The following NR6A1 variants were observed in gnomAD, a reference collection of about 807,000 sequenced individuals.
The protein encoded by NR6A1 is retinoic acid receptor-related testis-associated receptor.
NR6A1 carries 7 observed loss-of-function variants against 59.1 expected under a neutral mutation model. That is an observed-to-expected ratio of 0.12 (90% CI 0.07 to 0.22). The LOEUF (loss-of-function observed/expected upper bound fraction) is 0.22, where lower values mean the gene tolerates loss of function less well. Ranked by LOEUF, NR6A1 falls within the 10% of genes least tolerant of loss-of-function variation. The pLI is 1.00. For synonymous variants in NR6A1, 243 were observed against 236.1 expected, an observed-to-expected ratio of 1.03 and a Z score of -0.27; for missense variants, 468 against 611.6, an observed-to-expected ratio of 0.77 and a Z score of 2.48.
chr9:124,671,560 A>G (rs1172645896), intron 2 of NR6A1, among the ~76,000 whole-genome samples: 1 of 152,234 alleles, frequency 6.6e-6, no homozygotes, highest in Non-Finnish European at 1.5e-5. Context: ...TTATAGAATA[A>G]AAAGTGGAAC....
intron 2 of NR6A1, among the ~76,000 whole-genome samples, chr9:124,615,622 G>T (rs1588711237): frequency 2.0e-5 from 3 of 148,870 alleles, no homozygotes; most frequent in Admixed American, 6.7e-5. Context: ...AAGGGTTTTT[G>T]CCTTTTTTTT....
intron 1 of NR6A1, among the ~76,000 whole-genome samples, chr9:124,745,331 T>C (rs1313177731): frequency 6.6e-6 from 1 of 152,150 alleles, no homozygotes; most frequent in Non-Finnish European, 1.5e-5. Flanking sequence ...TCCTCCATTC[T>C]ACTTTTCTGA....
At chr9:124,713,872 C>A (rs553855477) in intron 2 of NR6A1, among the ~76,000 whole-genome samples, 67 of 152,312 alleles carry the variant, frequency 4.4e-4, no homozygotes, top group Admixed American at 3.3e-3. Flanking sequence ...TAGGGTCCAG[C>A]AATTCCACTT....
intron 2 of NR6A1, among the ~76,000 whole-genome samples, chr9:124,562,958 A>G (rs1439809111): frequency 6.6e-6 from 1 of 152,230 alleles, no homozygotes; most frequent in Non-Finnish European, 1.5e-5. Flanking sequence ...AAAGGAATCT[A>G]GTCATCGATC....
At chr9:124,694,388 C>A (rs571365004) in intron 2 of NR6A1, among the ~76,000 whole-genome samples, 108 of 152,204 alleles carry the variant, frequency 7.1e-4, no homozygotes, top group African/African-American at 2.3e-3. Flanking sequence ...CCACAACAGT[C>A]TTTTATGTAC....
chr9:124,535,173 A>G (rs1833218298), intron 7 of NR6A1, among the ~76,000 whole-genome samples: 1 of 151,560 alleles, frequency 6.6e-6, no homozygotes, highest in Admixed American at 6.6e-5. Flanking sequence ...CACCAAAATG[A>G]CCCCTAGGTC....
intron 2 of NR6A1, among the ~76,000 whole-genome samples, chr9:124,619,511 C>T (rs186268169): frequency 5.9e-5 from 9 of 152,294 alleles, no homozygotes; most frequent in African/African-American, 1.9e-4. Flanking sequence ...AATCTGCCTG[C>T]CTTGGCCTCC....
At chr9:124,719,242 A>G (rs1454025556) in intron 2 of NR6A1, among the ~76,000 whole-genome samples, 1 of 151,672 alleles carries the variant, frequency 6.6e-6, no homozygotes, top group Non-Finnish European at 1.5e-5. Context: ...ATGTGCCGCC[A>G]CACCCAGCTA....
intron 1 of NR6A1, among the ~76,000 whole-genome samples, chr9:124,749,439 A>C (rs1840432934): frequency 6.6e-6 from 1 of 152,136 alleles, no homozygotes. Context: ...CTAAGTCATC[A>C]CCCAGTGCTA....
chr9:124,625,634 T>C (rs1475972488), intron 2 of NR6A1, among the ~76,000 whole-genome samples: 3 of 152,152 alleles, frequency 2.0e-5, no homozygotes, highest in East Asian at 3.9e-4. Context: ...AATTCTAGAG[T>C]GTGATAGTTA....
chr9:124,540,856 G>A (rs1833420585), intron 4 of NR6A1, among the ~76,000 whole-genome samples: 1 of 152,052 alleles, frequency 6.6e-6, no homozygotes, highest in African/African-American at 2.4e-5. Context: ...TCCTTTGTGA[G>A]GCTTTCTACC....
At chr9:124,634,826 AAGAGAG>A (rs373861950) in intron 2 of NR6A1, among the ~76,000 whole-genome samples, 2 of 151,464 alleles carry the variant, frequency 1.3e-5, no homozygotes, top group Admixed American at 1.3e-4. Flanking sequence ...TCTCAAAAAA[AAGAGAG>A]AGAGAGAGAG....
chr9:124,692,315 T>G, intron 2 of NR6A1: 1 of 283,642 alleles, frequency 3.5e-6, no homozygotes, highest in Non-Finnish European at 7.9e-6. Context: ...TCATTAGTTC[T>G]CTGCTGCACA....
chr9:124,598,662 A>AC (rs1835351649), intron 2 of NR6A1: 10 of 395,318 alleles, frequency 2.5e-5, no homozygotes, highest in East Asian at 1.4e-4. Context: ...AAAAAAAAAA[A>AC]AAAAAAACAA....
In NR6A1 at chr9:124,740,388, C is replaced by G. The variant is rs931097229; in HGVS notation, c.101-7039G>C. ...CAAACACATCTGCAAATTTGAAATT[C>G]AAATGTTTTAATTAAATATGAGATA... On this transcript the variant is annotated intron_variant, in intron 1 of 9. Transcript: ENST00000487099. 5.9e-5 allele frequency among the ~76,000 whole-genome samples: 9 copies of G among 152,132 alleles called. 1 individual carries two copies. The highest frequency in any genetic ancestry group is 2.2e-4 in the African/African-American group (9 of 41,428).
intron 2 of NR6A1, chr9:124,698,562 G>C (rs1838838159): frequency 6.6e-6 from 1 of 152,192 alleles, no homozygotes; most frequent in Non-Finnish European, 1.5e-5. Context: ...GATCCAACTG[G>C]ACTTTGTGAT....
intron 2 of NR6A1, among the ~76,000 whole-genome samples, chr9:124,728,489 G>T (rs1375368598): frequency 6.6e-6 from 1 of 151,944 alleles, no homozygotes; most frequent in Non-Finnish European, 1.5e-5. Context: ...AGAAAAATTA[G>T]CTGGGCGCAG....
chr9:124,622,512 A>G (rs546812222), intron 2 of NR6A1, among the ~76,000 whole-genome samples: 23 of 152,346 alleles, frequency 1.5e-4, no homozygotes, highest in South Asian at 2.1e-4. Context: ...CCTAGTTGAG[A>G]TAACTTTACT....
intron 2 of NR6A1, among the ~76,000 whole-genome samples, chr9:124,726,325 T>C (rs570680353): frequency 6.6e-6 from 1 of 152,320 alleles, no homozygotes; most frequent in East Asian, 1.9e-4. Flanking sequence ...TGCCCCTAAC[T>C]GTCCTGCACC....
Sources: gnomAD v4.1 joint callset for allele counts (sites outside exome capture counted in the v4.1 genomes callset) on GRCh38, gnomAD v4.1.1 for gene constraint, MANE v1.5 for transcripts, NCBI Gene and HGNC (gene_info 2026-07-23, HGNC 2026-07-21) for gene names.